FAM171A1: variants seen among roughly 807,000 people sequenced by gnomAD.
The protein encoded by FAM171A1 is protein FAM171A1.
Under a neutral mutation model 74.9 loss-of-function variants are expected in FAM171A1, and 23 were observed. The ratio of observed to expected loss-of-function variants is 0.31; its 90% CI spans 0.22 to 0.44. The LOEUF (loss-of-function observed/expected upper bound fraction) is 0.44. Ranked by LOEUF, FAM171A1 falls within the 20% of genes least tolerant of loss-of-function variation. The pLI, the probability that FAM171A1 is intolerant of heterozygous loss-of-function variation, is 1.00. For missense variants in FAM171A1, 1,162 were observed against 1,159.2 expected (o/e 1.00, Z -0.03); for synonymous variants, 527 against 505.7 (o/e 1.04, Z -0.57).
chr10:15,272,430 C>A (rs1166349602), intron 3 of FAM171A1, among the ~76,000 whole-genome samples: 16 of 152,188 alleles, frequency 1.1e-4, no homozygotes, highest in Admixed American at 9.2e-4. Flanking sequence ...TAGACTCCCA[C>A]ACAATAATAT....
At chr10:15,286,017 G>A (rs1032583391) in intron 1 of FAM171A1, among the ~76,000 whole-genome samples, 1 of 152,184 alleles carries the variant, frequency 6.6e-6, no homozygotes, top group Non-Finnish European at 1.5e-5. Context: ...ATCATCTCTA[G>A]GCCCCAGTTT....
At position 15,235,810 on chromosome 10, in the gene FAM171A1, C is replaced by T. The variant is rs536204076; in HGVS notation, c.754+12829G>A. ...AGATGATTCCCAGGCCTCAAAGAAG[C>T]GGTCTGGATCTACAGGCTTCAGTGG... On this transcript the variant is annotated intron_variant, in intron 5 of 7. Transcript: ENST00000378116. Among the ~76,000 whole-genome samples the T allele has an allele frequency of 1.2e-4, 18 of 152,258 alleles. No homozygotes were observed. In the East Asian group the frequency reaches 3.5e-3, roughly 29 times the overall value.
At position 15,248,593 on chromosome 10, in the gene FAM171A1, A is replaced by G. The variant is rs751431242; in HGVS notation, c.754+46T>C. The G allele has an allele frequency of 3.9e-6, 6 of 1,545,148 alleles. No individual in the cohort carries two copies. The Admixed American group carries it at 1.2e-4, about 30-fold the overall frequency. ...TTCTTAGAAGGAAAACCAAACAGTA[A>G]CGAAGCCATCTGGTAGCCGATTGTC... On this transcript the variant is annotated intron_variant, in intron 5 of 7. Transcript: ENST00000378116.
intron 1 of FAM171A1, among the ~76,000 whole-genome samples, chr10:15,341,267 T>C (rs1835761174): frequency 6.6e-6 from 1 of 152,198 alleles, no homozygotes. Context: ...ACACCTCTGC[T>C]TAGCTTACAA....
intron 6 of FAM171A1, among the ~76,000 whole-genome samples, chr10:15,217,023 TTA>T (rs1323926832): frequency 6.6e-6 from 1 of 152,148 alleles, no homozygotes; most frequent in Non-Finnish European, 1.5e-5. Flanking sequence ...ATATCCATCT[TTA>T]AAAACAAGAT....
intron 1 of FAM171A1, among the ~76,000 whole-genome samples, chr10:15,288,627 A>T (rs1317377887): frequency 6.6e-6 from 1 of 152,158 alleles, no homozygotes; most frequent in African/African-American, 2.4e-5. Flanking sequence ...AGGGAAAAGA[A>T]GATTTATGAA....
chr10:15,314,111 C>T (rs1025965023), intron 1 of FAM171A1, among the ~76,000 whole-genome samples: 12 of 152,190 alleles, frequency 7.9e-5, no homozygotes, highest in Admixed American at 6.5e-4. Flanking sequence ...AAGCGTGACA[C>T]GCCAAGCGTC....
intron 1 of FAM171A1, among the ~76,000 whole-genome samples, chr10:15,355,630 G>A (rs951472477): frequency 3.3e-5 from 5 of 152,010 alleles, no homozygotes; most frequent in Admixed American, 2.0e-4. Context: ...TTCCTGAATC[G>A]CTTGAATCCA....
At chr10:15,325,982 C>T (rs1461639663) in intron 1 of FAM171A1, among the ~76,000 whole-genome samples, 3 of 152,202 alleles carry the variant, frequency 2.0e-5, no homozygotes, top group Admixed American at 6.5e-5. Flanking sequence ...GATTAAACAT[C>T]GCTACATCAA....
chr10:15,348,329 G>A (rs1835840518), intron 1 of FAM171A1, among the ~76,000 whole-genome samples: 1 of 151,674 alleles, frequency 6.6e-6, no homozygotes, highest in African/African-American at 2.4e-5. Context: ...GTATAGACAG[G>A]GTGTCACCAT....
At chr10:15,289,569 A>G (rs568350356) in intron 1 of FAM171A1, among the ~76,000 whole-genome samples, 4 of 152,236 alleles carry the variant, frequency 2.6e-5, no homozygotes, top group Non-Finnish European at 5.9e-5. Flanking sequence ...CTGCTCAGCA[A>G]CTTTACCAAA....
At chr10:15,223,522 ACCTGCCTTTCT>A (rs959842052) in intron 5 of FAM171A1, among the ~76,000 whole-genome samples, 12 of 152,332 alleles carry the variant, frequency 7.9e-5, no homozygotes, top group African/African-American at 2.6e-4. Flanking sequence ...ATGAATGCAC[ACCTGCCTTTCT>A]CCTGCCTTTC....
At chr10:15,246,880 G>T (rs1465132276) in intron 5 of FAM171A1, among the ~76,000 whole-genome samples, 5 of 152,360 alleles carry the variant, frequency 3.3e-5, no homozygotes, top group African/African-American at 1.2e-4. Context: ...GGGGGTAAGA[G>T]GCCCCACGCT....
chr10:15,323,518 C>T (rs184966040), intron 1 of FAM171A1, among the ~76,000 whole-genome samples: 1 of 152,128 alleles, frequency 6.6e-6, no homozygotes, highest in African/African-American at 2.4e-5. Flanking sequence ...TTTAAGATGG[C>T]AATGGTATCA....
chr10:15,218,638 A>G (rs1296800081), intron 6 of FAM171A1, among the ~76,000 whole-genome samples: 1 of 152,118 alleles, frequency 6.6e-6, no homozygotes, highest in Admixed American at 6.6e-5. Context: ...TCTGTCACCT[A>G]CGCTGGAGTG....
At chr10:15,352,432 A>G (rs17294023) in intron 1 of FAM171A1, among the ~76,000 whole-genome samples, 1 of 151,920 alleles carries the variant, frequency 6.6e-6, no homozygotes, top group South Asian at 2.1e-4. Flanking sequence ...CACATAAAAA[A>G]TACCAAGGGT....
intron 1 of FAM171A1, among the ~76,000 whole-genome samples, chr10:15,350,583 C>T (rs527589006): frequency 2.6e-5 from 4 of 151,672 alleles, no homozygotes; most frequent in Admixed American, 6.6e-5. Flanking sequence ...CCTCATGATC[C>T]GCCTGCCTCA....
At chr10:15,323,208 A>G (rs1835508140) in intron 1 of FAM171A1, among the ~76,000 whole-genome samples, 1 of 150,816 alleles carries the variant, frequency 6.6e-6, no homozygotes, top group South Asian at 2.1e-4. Context: ...TAATCCCAGC[A>G]CTTTGGGAGG....
chr10:15,351,352 G>T (rs1438451919), intron 1 of FAM171A1, among the ~76,000 whole-genome samples: 1 of 152,128 alleles, frequency 6.6e-6, no homozygotes, highest in Non-Finnish European at 1.5e-5. Context: ...AGAGGAAGAG[G>T]TCGCGTGTGG....
Sources: allele counts gnomAD v4.1 joint callset (sites outside exome capture counted in the v4.1 genomes callset), GRCh38; gene constraint gnomAD v4.1.1; transcripts MANE v1.5; gene names NCBI Gene and HGNC (gene_info 2026-07-23, HGNC 2026-07-21).